UGGT1: variants seen among roughly 807,000 people sequenced by gnomAD.
UGGT1 encodes UDP-glucose:glycoprotein glucosyltransferase 1.
Under a neutral mutation model 203.9 loss-of-function variants are expected in UGGT1, and 107 were observed. The ratio of observed to expected loss-of-function variants is 0.52; its 90% CI spans 0.45 to 0.62. The LOEUF (loss-of-function observed/expected upper bound fraction) is 0.62. UGGT1 is among the 20% of genes least tolerant of loss of function. The pLI is 0.00. For synonymous variants in UGGT1, 628 were observed against 653.5 expected (o/e 0.96, Z 0.59); for missense variants, 1,673 against 1,867.2 (o/e 0.90, Z 1.92).
intron 5 of UGGT1, among the ~76,000 whole-genome samples, chr2:128,112,792 C>T (rs111374720): frequency 2.6e-5 from 4 of 151,806 alleles, no homozygotes; most frequent in African/African-American, 9.6e-5. Context: ...CTATGTTGCC[C>T]AGGCTTTGTC....
chr2:128,110,647 T>G (rs1687805364), intron 5 of UGGT1, among the ~76,000 whole-genome samples: 1 of 152,230 alleles, frequency 6.6e-6, no homozygotes, highest in Non-Finnish European at 1.5e-5. Context: ...AGAACAACGG[T>G]GTCTCCTCTC....
chr2:128,166,787 T>C (rs1477832277), intron 26 of UGGT1, among the ~76,000 whole-genome samples: 3 of 152,230 alleles, frequency 2.0e-5, no homozygotes, highest in Non-Finnish European at 4.4e-5. Context: ...TATATACATA[T>C]ACACTGATTG....
chr2:128,128,690 A>G (rs1688730684), intron 12 of UGGT1, among the ~76,000 whole-genome samples: 2 of 152,196 alleles, frequency 1.3e-5, no homozygotes, highest in Non-Finnish European at 2.9e-5. Flanking sequence ...TTCTGTGGTC[A>G]TATGTTTGCC....
intron 8 of UGGT1, among the ~76,000 whole-genome samples, chr2:128,119,286 T>C (rs551057029): frequency 6.6e-6 from 1 of 152,210 alleles, no homozygotes; most frequent in Admixed American, 6.5e-5. Flanking sequence ...AATTTCTGTA[T>C]GTTGTATTAA....
chr2:128,094,003 T>A (rs1686990453), intron 1 of UGGT1, among the ~76,000 whole-genome samples: 1 of 152,212 alleles, frequency 6.6e-6, no homozygotes, highest in Non-Finnish European at 1.5e-5. Context: ...TCAGAGTCAT[T>A]GCTTGTTAAA....
intron 18 of UGGT1, among the ~76,000 whole-genome samples, chr2:128,146,388 C>G (rs550454066): frequency 6.6e-6 from 1 of 152,090 alleles, no homozygotes; most frequent in South Asian, 2.1e-4. Flanking sequence ...TTGGCAAGTC[C>G]TATGATGAAA....
rs374477668 is a variant in UGGT1 at position 128,101,842 on chromosome 2, C to T, written c.195-2090C>T. ...ATAGAAGGAAGACCAATGCTGATCT[C>T]CCGCAATAGCTTTGGAAATCTAAGA... On this transcript the variant is annotated intron_variant, in intron 2 of 40. Transcript: ENST00000259253. Among the ~76,000 whole-genome samples the T allele has an allele frequency of 3.0e-4, 45 of 152,290 alleles. 1 individual carries two copies. The South Asian group carries it at 9.1e-3, about 31-fold the overall frequency.
chr2:128,179,390 A>G (rs996550202), intron 34 of UGGT1, among the ~76,000 whole-genome samples: 4 of 152,170 alleles, frequency 2.6e-5, no homozygotes. Context: ...CTGTGGTTAC[A>G]CATTCTTCCC....
In UGGT1 at chr2:128,160,703, T is replaced by C. The variant is rs1690484049; in HGVS notation, c.2694+112T>C. 8.4e-6 allele frequency: 12 copies of C among 1,430,308 alleles called. No individual in the cohort carries two copies. The Admixed American group carries it at 2.6e-4, about 31-fold the overall frequency. The allele number at this position is 1,430,308 out of a possible 1,614,324, so 88.6% of individuals were successfully genotyped here. A position where few individuals can be genotyped will look rare whatever the true frequency, so the allele number is the denominator to read the frequency against. On this transcript the variant is annotated intron_variant, in intron 24 of 40. Coordinates refer to ENST00000259253, the MANE Select transcript of UGGT1 (RefSeq NM_020120.4). The stretch of plus-strand genomic sequence containing the variant: ...AGAGCCACTCTTTTTTCAAAGGTGA[T>C]TGGGGCTTATGAAGTGCCATTGATG...
At chr2:128,116,195 T>G in intron 7 of UGGT1, 70 bp from the exon 8 acceptor site, 8 of 971,252 alleles carry the variant, frequency 8.2e-6, no homozygotes, top group Non-Finnish European at 1.3e-5. Context: ...ATGAAGTTTA[T>G]GAGACTAGTA....
rs1691171428 is a variant in UGGT1 at position 128,172,667 on chromosome 2, T to C, written c.3199T>C (p.Ser1067Pro). Residue 1067 changes from serine (S) to proline (P), a missense_variant, in exon 29 of 41, where the codon TCT (serine) becomes CCT (proline). Coordinates refer to ENST00000259253, the MANE Select transcript of UGGT1 (RefSeq NM_020120.4). Reference sequence around the variant, plus strand: ...CGCAAAATTTTTGGATATGCCTCAGTCTCCACTGTTCACTCTGAATTTGAA... The same window carrying C: ...CGCAAAATTTTTGGATATGCCTCAGCCTCCACTGTTCACTCTGAATTTGAA... ...PIAKFLDMPQ[S>P]PLFTLNLNTP... is the part of the protein sequence containing the mutation. 1 of 1,614,030 alleles carries C rather than the reference T, an allele frequency of 6.2e-7. No homozygotes were observed. Among genetic ancestry groups the C allele is most frequent in the African/African-American group, 1.3e-5 (1 of 74,928 alleles).
chr2:128,115,323 G>T, intron 7 of UGGT1, 103 bp downstream of exon 7: 2 of 1,019,064 alleles, frequency 2.0e-6, no homozygotes, highest in Admixed American at 2.2e-5. Context: ...TGCTGAACCT[G>T]TGTTTGCATC....
Position 128,176,820 on chromosome 2 carries a change from T to C in UGGT1, c.3546T>C (p.Asp1182=). The C allele has an allele frequency of 6.2e-7, 1 of 1,613,958 alleles. No homozygotes were observed. The highest frequency in any genetic ancestry group is 8.5e-7 in the Non-Finnish European group (1 of 1,179,964). Residue 1182 remains aspartate (D), a synonymous_variant, in exon 32 of 41, where the codon GAT becomes GAC. Coordinates refer to ENST00000259253, the MANE Select transcript of UGGT1 (RefSeq NM_020120.4). ...SEDIYRIYSH[D]GTDSPPDADE... ...TCTTTCTTTTCTCGCAAAGCCACGA[T>C]GGCACTGATTCTCCCCCTGATGCTG...
Position 128,192,523 on chromosome 2 carries a change from T to A in UGGT1, c.*2781T>A, listed in dbSNP as rs1692316767. ...ATTTTCTCTCTCAATCATGCCATAGTGGAGACTTTTGTTTGTGAGTAAGTG... is the reference window on the plus strand; with the variant it reads ...ATTTTCTCTCTCAATCATGCCATAGAGGAGACTTTTGTTTGTGAGTAAGTG... On this transcript the variant is annotated 3_prime_UTR_variant, in exon 41 of 41. Coordinates refer to ENST00000259253, the MANE Select transcript of UGGT1 (RefSeq NM_020120.4). The A allele has an allele frequency of 6.6e-6, 1 of 152,210 alleles. No individual in the cohort carries two copies. The highest frequency in any genetic ancestry group is 2.4e-5 in the African/African-American group (1 of 41,446). 9.4% of individuals were successfully genotyped at this position (152,210 alleles called of 1,614,324 possible). A position where few individuals can be genotyped will look rare whatever the true frequency, so the allele number is the denominator to read the frequency against.
chr2:128,161,377 T>C, intron 25 of UGGT1, 109 bp downstream of exon 25: 1 of 1,326,514 alleles, frequency 7.5e-7, no homozygotes, highest in Non-Finnish European at 1.0e-6. Context: ...AGGAGTTTTA[T>C]TTCCAGTTTA....
intron 24 of UGGT1, 102 bp from the exon 25 acceptor site, chr2:128,161,036 C>T: frequency 4.4e-6 from 6 of 1,374,100 alleles, no homozygotes; most frequent in South Asian, 1.4e-5. Context: ...TTAAGATGTT[C>T]TGGCGTATGA....
intron 16 of UGGT1, among the ~76,000 whole-genome samples, chr2:128,141,477 C>T (rs1573561332): frequency 6.7e-6 from 1 of 149,032 alleles, no homozygotes; most frequent in South Asian, 2.4e-4. Context: ...TGGTGGCAGG[C>T]GCCTGTGGTC....
intron 9 of UGGT1, 33 bp from the exon 10 acceptor site, chr2:128,121,166 A>G (rs1441083810): frequency 2.5e-6 from 4 of 1,601,018 alleles, no homozygotes; most frequent in Non-Finnish European, 3.4e-6. Flanking sequence ...CATTAGATTA[A>G]TCCACTTTTA....
chr2:128,113,260 T>G lies in UGGT1; in HGVS notation c.696+2T>G. On this transcript the variant is annotated splice_donor_variant, in intron 6 of 40. Transcript: ENST00000259253. LOFTEE classifies it high-confidence loss of function. Reference sequence around the variant, plus strand: ...TATGTATTCAGACATTATATATTTGTAAGTATTGACTTATTTTACACCTGT... The same window carrying G: ...TATGTATTCAGACATTATATATTTGGAAGTATTGACTTATTTTACACCTGT... 6.3e-7 allele frequency: 1 copy of G among 1,592,162 alleles called. No individual in the cohort carries two copies. Among genetic ancestry groups the G allele is most frequent in the Non-Finnish European group, 8.6e-7 (1 of 1,167,136 alleles).
Sources: allele counts gnomAD v4.1 joint callset (sites outside exome capture counted in the v4.1 genomes callset), GRCh38; gene constraint gnomAD v4.1.1; transcripts MANE v1.5; gene names NCBI Gene and HGNC (gene_info 2026-07-23, HGNC 2026-07-21).